NRXN1: variants seen among roughly 807,000 people sequenced by gnomAD.
NRXN1 encodes neurexin 1.
In NRXN1, 39 loss-of-function variants were observed where a neutral mutation model predicts 150.9. That is an observed-to-expected ratio of 0.26 (90% CI 0.20 to 0.34). The LOEUF (loss-of-function observed/expected upper bound fraction) is 0.34, where lower values mean the gene tolerates loss of function less well. Among genes scored for constraint, NRXN1 ranks in the 10% least tolerant of loss-of-function variants. The probability of loss-of-function intolerance (pLI) is 1.00; values close to 1 mark genes in which losing one functional copy is unlikely to be tolerated. For synonymous variants in NRXN1, 924 were observed against 757.0 expected, an observed-to-expected ratio of 1.22 and a Z score of -3.62; for missense variants, 1,815 against 1,949.9, an observed-to-expected ratio of 0.93 and a Z score of 1.30.
At position 50,346,675 on chromosome 2, in the gene NRXN1, G is replaced by A. The variant is rs1227805288; in HGVS notation, c.3365-109705C>T. ...GCGAGGGGATAACCCGCGAGAACTT[G>A]GCATCGCAGACCCACCGTGTCCGCC... On this transcript the variant is annotated intron_variant, in intron 17 of 22. Coordinates refer to ENST00000401669, the MANE Select transcript of NRXN1 (RefSeq NM_001330078.2). The surrounding 1 kb of genome is among the most constrained non-coding windows in gnomAD (Gnocchi z 5.0). The A allele has an allele frequency of 1.2e-6, 2 of 1,612,188 alleles. No individual in the cohort carries two copies.
intron 8 of NRXN1, among the ~76,000 whole-genome samples, chr2:50,565,480 G>T (rs745959679): frequency 3.3e-5 from 5 of 151,776 alleles, no homozygotes; most frequent in Non-Finnish European, 7.4e-5. Context: ...TAAATGATTT[G>T]GCCAGATATA....
chr2:50,054,910 G>T, intron 20 of NRXN1, 45 bp downstream of exon 20: 1 of 1,303,608 alleles, frequency 7.7e-7, no homozygotes, highest in Non-Finnish European at 1.1e-6. Flanking sequence ...ACTTGGTTAT[G>T]TTCAAATTAT....
chr2:50,076,209 G>A (rs950012230), intron 19 of NRXN1, among the ~76,000 whole-genome samples: 3 of 152,270 alleles, frequency 2.0e-5, no homozygotes, highest in Non-Finnish European at 4.4e-5. Flanking sequence ...AGGGTCAGGA[G>A]GAACAATCTT....
At chr2:50,379,162 G>T (rs2080756385) in intron 17 of NRXN1, among the ~76,000 whole-genome samples, 1 of 152,122 alleles carries the variant, frequency 6.6e-6, no homozygotes, top group Non-Finnish European at 1.5e-5. Context: ...GCATTATTCA[G>T]AGGAAGAAGA....
intron 5 of NRXN1, among the ~76,000 whole-genome samples, chr2:50,740,976 T>A (rs1374615868): frequency 6.6e-6 from 1 of 152,188 alleles, no homozygotes; most frequent in Non-Finnish European, 1.5e-5. Flanking sequence ...TTTTCATGCA[T>A]TAATGCCAGT....
chr2:50,384,571 T>G (rs188548806), intron 17 of NRXN1, among the ~76,000 whole-genome samples: 3 of 151,224 alleles, frequency 2.0e-5, no homozygotes, highest in African/African-American at 7.3e-5. Flanking sequence ...TAGGGCCCAG[T>G]TTCAGTTGCT....
chr2:50,745,640 T>C (rs1162189520), intron 5 of NRXN1, among the ~76,000 whole-genome samples: 1 of 152,086 alleles, frequency 6.6e-6, no homozygotes. Flanking sequence ...CAGATCAGCA[T>C]GCCTGGGGAG....
intron 5 of NRXN1, among the ~76,000 whole-genome samples, chr2:50,736,650 G>T (rs1468273073): frequency 6.6e-6 from 1 of 152,028 alleles, no homozygotes; most frequent in African/African-American, 2.4e-5. Context: ...CTTTTGCTTG[G>T]TTCTCATTCT....
At chr2:50,925,862 C>A in intron 3 of NRXN1, 76 bp downstream of exon 3, 1 of 1,154,752 alleles carries the variant, frequency 8.7e-7, no homozygotes, top group Non-Finnish European at 1.3e-6. Flanking sequence ...TACCATCTAA[C>A]TTCAAGATGT....
At chr2:50,868,808 C>A (rs1053984051) in intron 5 of NRXN1, among the ~76,000 whole-genome samples, 3 of 151,796 alleles carry the variant, frequency 2.0e-5, no homozygotes, top group Non-Finnish European at 4.4e-5. Context: ...TGGTTTACCT[C>A]TTTCCCCATC....
At chr2:50,141,869 C>G (rs1275931460) in intron 18 of NRXN1, among the ~76,000 whole-genome samples, 1 of 151,976 alleles carries the variant, frequency 6.6e-6, no homozygotes, top group Non-Finnish European at 1.5e-5. Context: ...TAAATTAGTA[C>G]AGCCATTATG....
chr2:50,590,377 T>C (rs562644747), intron 8 of NRXN1, among the ~76,000 whole-genome samples: 3 of 152,334 alleles, frequency 2.0e-5, no homozygotes, highest in Admixed American at 1.3e-4. Context: ...TTATGAACTA[T>C]TTTGTTTAAT....
intron 2 of NRXN1, among the ~76,000 whole-genome samples, chr2:50,996,451 GTA>G (rs1699294475): frequency 1.3e-5 from 2 of 152,180 alleles, no homozygotes; most frequent in Non-Finnish European, 2.9e-5. Context: ...TTACATGTAT[GTA>G]TGTATTTATA....
chr2:50,902,579 G>C (rs1308507034), intron 5 of NRXN1, among the ~76,000 whole-genome samples: 1 of 152,130 alleles, frequency 6.6e-6, no homozygotes, highest in Non-Finnish European at 1.5e-5. Flanking sequence ...TTGAGAAACA[G>C]TACATCTCCT....
intron 5 of NRXN1, among the ~76,000 whole-genome samples, chr2:50,877,628 TGAA>T (rs1678804300): frequency 6.6e-6 from 1 of 151,988 alleles, no homozygotes; most frequent in African/African-American, 2.4e-5. Context: ...CTGCTAAATC[TGAA>T]GGTTTCTTGA....
chr2:50,591,711 G>A (rs1431845613), intron 8 of NRXN1, among the ~76,000 whole-genome samples: 1 of 152,212 alleles, frequency 6.6e-6, no homozygotes, highest in Non-Finnish European at 1.5e-5. Context: ...CTGTGCTGGG[G>A]AGGAGGGTGA....
At chr2:50,159,788 T>C (rs927262423) in intron 18 of NRXN1, among the ~76,000 whole-genome samples, 2 of 152,046 alleles carry the variant, frequency 1.3e-5, no homozygotes, top group African/African-American at 4.8e-5. Context: ...TCCAATGATA[T>C]GGAATAACAA....
rs554606832 is a variant in NRXN1 at position 50,654,197 on chromosome 2, C to G, written c.833-30582G>C. Among the ~76,000 whole-genome samples, 5 of 41,754 alleles carry G rather than the reference C, an allele frequency of 1.2e-4. 1 individual carries two copies. In the Admixed American group the frequency reaches 1.4e-3, roughly 12 times the overall value. The allele number at this position is 41,754 out of a possible 152,430, so 27.4% of individuals were successfully genotyped here. On this transcript the variant is annotated intron_variant, in intron 5 of 22. Transcript: ENST00000401669. ...CCTCCCCCCTCCCCCCACCCCACAA[C>G]AGGCCCCAGTGTGATGTTCCCCTTC...
At chr2:50,427,533 T>C (rs2084596414) in intron 17 of NRXN1, among the ~76,000 whole-genome samples, 1 of 152,200 alleles carries the variant, frequency 6.6e-6, no homozygotes, top group Admixed American at 6.5e-5. Flanking sequence ...ACTGGAAGTG[T>C]CATGTAAGGA....
Sources: allele counts gnomAD v4.1 joint callset (sites outside exome capture counted in the v4.1 genomes callset), GRCh38; gene constraint gnomAD v4.1.1; non-coding constraint Gnocchi (gnomAD v3.1); transcripts MANE v1.5; gene names NCBI Gene and HGNC (gene_info 2026-07-23, HGNC 2026-07-21).